HERC4: variants seen among roughly 807,000 people sequenced by gnomAD.
HERC4 encodes the protein HECT and RLD domain containing E3 ubiquitin protein ligase 4, also known as probable E3 ubiquitin-protein ligase HERC4.
In HERC4, 28 loss-of-function variants were observed where a neutral mutation model predicts 124.3. The observed-to-expected ratio is 0.23, with a 90% CI of 0.17 to 0.31. The LOEUF is 0.31. Among genes scored for constraint, HERC4 ranks in the 10% least tolerant of loss-of-function variants. The pLI is 1.00. For synonymous variants in HERC4, 407 were observed against 421.5 expected (o/e 0.97, Z 0.42); for missense variants, 713 against 1,229.3 (o/e 0.58, Z 6.28).
At chr10:67,983,075 C>CAAAA (rs60021463) in intron 15 of HERC4, among the ~76,000 whole-genome samples, 1 of 76,776 alleles carries the variant, frequency 1.3e-5, no homozygotes. Context: ...TTGCACTGAG[C>CAAAA]AAAAAAAAAA....
chr10:67,995,683 G>A (rs1401461533), intron 9 of HERC4, among the ~76,000 whole-genome samples: 1 of 151,448 alleles, frequency 6.6e-6, no homozygotes, highest in African/African-American at 2.4e-5. Context: ...TTGACTCACA[G>A]AACATTTACT....
Position 68,038,280 on chromosome 10 carries a change from A to AT in HERC4, c.387-112dup, listed in dbSNP as rs371517446. Reference sequence around the variant, plus strand: ...CTACTATATGCACATAGGTCATATTATTTTTTTTCATACAAGCTCAATTTT... The same window carrying AT: ...CTACTATATGCACATAGGTCATATTATTTTTTTTTCATACAAGCTCAATTTT... On this transcript the variant is annotated intron_variant, in intron 4 of 24. Transcript: ENST00000373700. 131 of 457,126 alleles carry AT rather than the reference A, an allele frequency of 2.9e-4. 1 individual carries two copies. The highest frequency in any genetic ancestry group is 2.4e-3 in the African/African-American group (118 of 49,006). The allele number at this position is 457,126 out of a possible 1,614,324, so 28.3% of individuals were successfully genotyped here.
rs2030248813 is a variant in HERC4 at position 67,921,919 on chromosome 10, CAATA to C, written c.*1008_*1011del. On this transcript the variant is annotated 3_prime_UTR_variant, in exon 25 of 25. Coordinates refer to ENST00000373700, the MANE Select transcript of HERC4 (RefSeq NM_015601.4). ...ACCACTGAAAGTTTAAATATTAAAA[CAATA>C]AATCTTTATTAAACAGTTTTCACGG... is the stretch of plus-strand genomic sequence containing the variant. The C allele has an allele frequency of 6.6e-6, 1 of 151,972 alleles. No individual in the cohort carries two copies. Among genetic ancestry groups the C allele is most frequent in the African/African-American group, 2.4e-5 (1 of 41,374 alleles). 9.4% of individuals were successfully genotyped at this position (151,972 alleles called of 1,614,324 possible).
rs58031306 is a variant in HERC4 at position 67,972,529 on chromosome 10, GAAAAAAAAA to G, written c.1807-5736_1807-5728del. ...AGTCAAACTCTGTCTCAAAAAAGAG[GAAAAAAAAA>G]AAAAAAAAAAAAAAAAAGAATTTCT... On this transcript the variant is annotated intron_variant, in intron 15 of 24. Transcript: ENST00000373700. Among the ~76,000 whole-genome samples, 453 of 58,434 alleles carry G rather than the reference GAAAAAAAAA, an allele frequency of 7.8e-3. 3 individuals carry two copies. The highest frequency in any genetic ancestry group is 0.03 in the Admixed American group (134 of 4,394). 38.3% of individuals were successfully genotyped at this position (58,434 alleles called of 152,430 possible).
chr10:67,953,568 G>A (rs189809919), intron 19 of HERC4, among the ~76,000 whole-genome samples: 2 of 152,020 alleles, frequency 1.3e-5, no homozygotes, highest in Admixed American at 6.6e-5. Flanking sequence ...AACAAAGATG[G>A]GACAATATGA....
At chr10:68,009,665 T>G (rs1051778290) in intron 9 of HERC4, among the ~76,000 whole-genome samples, 1 of 152,190 alleles carries the variant, frequency 6.6e-6, no homozygotes, top group Non-Finnish European at 1.5e-5. Context: ...CAACAAAGTT[T>G]GCTACACTGA....
At chr10:67,964,484 T>C (rs1003125982) in intron 16 of HERC4, among the ~76,000 whole-genome samples, 2 of 152,132 alleles carry the variant, frequency 1.3e-5, no homozygotes, top group African/African-American at 4.8e-5. Context: ...CCTTCTTCCA[T>C]CTAAATAACC....
chr10:67,990,403 A>G lies in HERC4; in HGVS notation c.1444-3T>C, dbSNP rs1471772156. On this transcript the variant is annotated splice_polypyrimidine_tract_variant and splice_region_variant and intron_variant, in intron 13 of 24. Transcript: ENST00000373700. ...TTCTTTTCCAAACTAGCTGCCACCT[A>G]TATTTTGACAAAAAGTAAAACCTAC... 4.8e-6 allele frequency: 7 copies of G among 1,473,094 alleles called. No homozygotes were observed. The highest frequency in any genetic ancestry group is 4.5e-5 in the South Asian group (3 of 67,160). The allele number at this position is 1,473,094 out of a possible 1,614,324, so 91.3% of individuals were successfully genotyped here. A position where few individuals can be genotyped will look rare whatever the true frequency, so the allele number is the denominator to read the frequency against.
intron 14 of HERC4, among the ~76,000 whole-genome samples, chr10:67,989,122 T>C (rs2036421606): frequency 2.0e-5 from 3 of 152,104 alleles, no homozygotes; most frequent in South Asian, 2.1e-4. Context: ...CTCACCACTA[T>C]ACCTAATATT....
intron 3 of HERC4, among the ~76,000 whole-genome samples, chr10:68,066,318 G>A (rs2041301286): frequency 1.3e-5 from 2 of 152,130 alleles, no homozygotes; most frequent in East Asian, 1.9e-4. Context: ...GGAGATAATG[G>A]TAACTAGACT....
At chr10:68,064,362 T>C (rs1184081804) in intron 3 of HERC4, among the ~76,000 whole-genome samples, 2 of 152,038 alleles carry the variant, frequency 1.3e-5, no homozygotes, top group Non-Finnish European at 2.9e-5. Context: ...AAGACCAGCC[T>C]GGCCATCATG....
At position 67,932,476 on chromosome 10, in the gene HERC4, A is replaced by C; in HGVS notation, c.2838+121T>G. The C allele has an allele frequency of 4.0e-6, 3 of 746,750 alleles. 1 individual carries two copies. In the South Asian group the frequency reaches 5.5e-5, roughly 14 times the overall value. The allele number at this position is 746,750 out of a possible 1,614,324, so 46.3% of individuals were successfully genotyped here. On this transcript the variant is annotated intron_variant, in intron 23 of 24. Coordinates refer to ENST00000373700, the MANE Select transcript of HERC4 (RefSeq NM_015601.4). ...ATTCATTGTGGAGTTTGAAGGGTAG[A>C]GTGCTTTCCTGTAAAATGGTAGTAA... is the stretch of plus-strand genomic sequence containing the variant.
intron 3 of HERC4, among the ~76,000 whole-genome samples, chr10:68,047,806 T>G (rs1400785494): frequency 2.0e-5 from 3 of 152,198 alleles, no homozygotes; most frequent in African/African-American, 7.2e-5. Context: ...TACAGCCACT[T>G]TGGAAAACAG....
intron 7 of HERC4, among the ~76,000 whole-genome samples, chr10:68,030,856 A>G (rs2039167082): frequency 6.6e-6 from 1 of 152,216 alleles, no homozygotes; most frequent in South Asian, 2.1e-4. Flanking sequence ...ATCTATAAAC[A>G]TGGTATGTCT....
At chr10:67,996,659 A>G (rs918932496) in intron 9 of HERC4, among the ~76,000 whole-genome samples, 1 of 152,140 alleles carries the variant, frequency 6.6e-6, no homozygotes, top group African/African-American at 2.4e-5. Flanking sequence ...CATTACATTT[A>G]GCATAGAAAA....
Position 67,980,741 on chromosome 10 carries a change from T to TA in HERC4, c.1806+7921dup, listed in dbSNP as rs199513067. On this transcript the variant is annotated intron_variant, in intron 15 of 24. Coordinates refer to ENST00000373700, the MANE Select transcript of HERC4 (RefSeq NM_015601.4). Reference sequence around the variant, plus strand: ...GATATAAATAGAAACAACAAAAAGTTAAAAAGCAGGAGTACAAAGTTAAGG... The same window carrying TA: ...GATATAAATAGAAACAACAAAAAGTTAAAAAAGCAGGAGTACAAAGTTAAGG... 8.3e-3 allele frequency among the ~76,000 whole-genome samples: 1,261 copies of TA among 152,242 alleles called. 18 individuals carry two copies. The highest frequency in any genetic ancestry group is 0.029 in the African/African-American group (1,214 of 41,528).
At chr10:68,049,317 G>A (rs190217082) in intron 3 of HERC4, among the ~76,000 whole-genome samples, 1 of 152,134 alleles carries the variant, frequency 6.6e-6, no homozygotes, top group East Asian at 1.9e-4. Flanking sequence ...TTGTGTAAGA[G>A]GAAGAAGAAA....
At chr10:68,010,590 C>T in intron 9 of HERC4, 1 of 1,229,818 alleles carries the variant, frequency 8.1e-7, no homozygotes, top group Non-Finnish European at 1.2e-6. Context: ...CTTTCTCTTT[C>T]AGGCCTGCAC....
chr10:67,922,679 T>C lies in HERC4; in HGVS notation c.*252A>G. 1 of 245,464 alleles carries C rather than the reference T, an allele frequency of 4.1e-6. No individual in the cohort carries two copies. Among genetic ancestry groups the C allele is most frequent in the East Asian group, 7.3e-5 (1 of 13,702 alleles). The allele number at this position is 245,464 out of a possible 1,614,324, so 15.2% of individuals were successfully genotyped here. The stretch of plus-strand genomic sequence containing the variant: ...CTCTTAAAATTCATGTTAGTAAAAC[T>C]TTAATGTATTCATAATACTTGCTAT... On this transcript the variant is annotated 3_prime_UTR_variant, in exon 25 of 25. Coordinates refer to ENST00000373700, the MANE Select transcript of HERC4 (RefSeq NM_015601.4).
Sources: allele counts gnomAD v4.1 joint callset (sites outside exome capture counted in the v4.1 genomes callset), GRCh38; gene constraint gnomAD v4.1.1; transcripts MANE v1.5; gene names NCBI Gene and HGNC (gene_info 2026-07-23, HGNC 2026-07-21).